The following OSTM1 variants were observed in gnomAD, a reference collection of about 807,000 sequenced individuals.
OSTM1 encodes osteoclastogenesis associated transmembrane protein 1, also known as osteopetrosis-associated transmembrane protein 1.
In OSTM1, 26 loss-of-function variants were observed where a neutral mutation model predicts 35.4. That is an observed-to-expected ratio of 0.73 (90% CI 0.54 to 1.02). The LOEUF (loss-of-function observed/expected upper bound fraction) is 1.02, where lower values mean the gene tolerates loss of function less well. Ranked by LOEUF, OSTM1 falls within the 50% of genes least tolerant of loss-of-function variation. The pLI is 0.00. For synonymous variants in OSTM1, 181 were observed against 165.0 expected (o/e 1.10, Z -0.75); for missense variants, 366 against 409.6 (o/e 0.89, Z 0.92).
intron 2 of OSTM1, among the ~76,000 whole-genome samples, chr6:108,060,351 C>T (rs1469880025): frequency 2.6e-5 from 4 of 152,146 alleles, no homozygotes; most frequent in Admixed American, 6.6e-5. Flanking sequence ...ACTGAGTATG[C>T]GGTAAAACGT....
At chr6:108,058,459 C>T (rs192725844) in intron 2 of OSTM1, among the ~76,000 whole-genome samples, 5 of 151,698 alleles carry the variant, frequency 3.3e-5, no homozygotes, top group South Asian at 2.1e-4. Flanking sequence ...ATGATTATAA[C>T]GCTTAGTACA....
rs779438202 is a variant in OSTM1, at chr6:108,044,834, C to T, written c.956G>A (p.Arg319His). 6 of 1,540,556 alleles carry T rather than the reference C, an allele frequency of 3.9e-6. No homozygotes were observed. Among genetic ancestry groups the T allele is most frequent in the South Asian group, 1.2e-5 (1 of 82,132 alleles). The change falls in exon 6 of 6, where the codon CGT (arginine) becomes CAT (histidine). Residue 319 changes from arginine (R) to histidine (H), a missense_variant. By Grantham distance (29) the Arg-to-His change is conservative. This residue lies in a region of OSTM1 where 125 missense variants were observed against 151.7 expected (regional missense o/e 0.82). Coordinates refer to ENST00000193322, the MANE Select transcript of OSTM1 (RefSeq NM_014028.4). ...QKKRKLILPK[R>H]LKSSTSFANI... ...TGCAAAACTGGTACTGGACTTGAGACGTTTGGCTAGATAAATCAAAAGAAT... is the reference window on the plus strand; with the variant it reads ...TGCAAAACTGGTACTGGACTTGAGATGTTTGGCTAGATAAATCAAAAGAAT...
intron 4 of OSTM1, 109 bp from the exon 5 acceptor site, chr6:108,049,527 C>T: frequency 1.9e-6 from 3 of 1,548,000 alleles, no homozygotes; most frequent in Non-Finnish European, 1.7e-6. Flanking sequence ...AGACTCAATA[C>T]ATACCTCTAA....
At chr6:108,067,594 G>A (rs1238601379) in intron 1 of OSTM1, among the ~76,000 whole-genome samples, 1 of 152,058 alleles carries the variant, frequency 6.6e-6, no homozygotes, top group African/African-American at 2.4e-5. Context: ...ACTTTGGGAG[G>A]CCGAGGCAGG....
In OSTM1 at chr6:108,050,358, CTTTTTTTTTT is replaced by C. The variant is rs759901355; in HGVS notation, c.783+663_783+672del. Among the ~76,000 whole-genome samples, 164 of 104,820 alleles carry C rather than the reference CTTTTTTTTTT, an allele frequency of 1.6e-3. 3 individuals are homozygous for C. Among genetic ancestry groups the C allele is most frequent in the African/African-American group, 5.7e-3 (154 of 26,932 alleles). The allele number at this position is 104,820 out of a possible 152,430, so 68.8% of individuals were successfully genotyped here. On this transcript the variant is annotated intron_variant, in intron 4 of 5. Transcript: ENST00000193322. ...AACATGTAGTGAAATCCAGAAACGTCTTTTTTTTTTTTTTTTTTTTTTTGAGACGGAGTCT... is the reference window on the plus strand; with the variant it reads ...AACATGTAGTGAAATCCAGAAACGTCTTTTTTTTTTTTTGAGACGGAGTCT...
At chr6:108,057,951 C>T (rs773144893) in intron 2 of OSTM1, among the ~76,000 whole-genome samples, 1 of 151,808 alleles carries the variant, frequency 6.6e-6, no homozygotes, top group Non-Finnish European at 1.5e-5. Context: ...TTATGAATTT[C>T]CTTCATCTTA....
At chr6:108,063,179 A>G (rs549825695) in intron 2 of OSTM1, among the ~76,000 whole-genome samples, 17 of 152,106 alleles carry the variant, frequency 1.1e-4, no homozygotes, top group African/African-American at 3.9e-4. Flanking sequence ...TGTCCATCTA[A>G]TTTAAAAAAT....
At chr6:108,048,749 C>CTTTTTTT (rs575605197) in intron 5 of OSTM1, among the ~76,000 whole-genome samples, 3 of 111,784 alleles carry the variant, frequency 2.7e-5, no homozygotes, top group African/African-American at 7.4e-5. Flanking sequence ...TGTGTTTTAA[C>CTTTTTTT]TTTTTTTTTT....
rs189924750 is a variant in OSTM1 at position 108,065,468 on chromosome 6, C to T, written c.403-1169G>A. 6.0e-5 allele frequency among the ~76,000 whole-genome samples: 9 copies of T among 149,318 alleles called. No homozygotes were observed. The East Asian group carries it at 1.8e-3, about 30-fold the overall frequency. On this transcript the variant is annotated intron_variant, in intron 1 of 5. Transcript: ENST00000193322. ...GGCCTGACTGGTCTCGAACTCCTGA[C>T]CTCAGACGATCCACCTGCCTCGGCC...
At chr6:108,057,135 G>A (rs1389955652) in intron 2 of OSTM1, among the ~76,000 whole-genome samples, 2 of 152,200 alleles carry the variant, frequency 1.3e-5, no homozygotes, top group East Asian at 1.9e-4. Context: ...GGCTGAGAGG[G>A]GAGAATTGCT....
Position 108,044,718 on chromosome 6 carries a change from T to C in OSTM1, c.*67A>G, listed in dbSNP as rs1771935928. On this transcript the variant is annotated 3_prime_UTR_variant, in exon 6 of 6. Coordinates refer to ENST00000193322, the MANE Select transcript of OSTM1 (RefSeq NM_014028.4). ...CTTGTCAAATCACAGTTTATCTTCT[T>C]TCTGAAACCAAGTTGTGTCTTCCAC... The C allele has an allele frequency of 1.0e-5, 9 of 885,772 alleles. No homozygotes were observed. In the South Asian group the frequency reaches 1.4e-4, roughly 13 times the overall value. The allele number at this position is 885,772 out of a possible 1,614,324, so 54.9% of individuals were successfully genotyped here.
intron 2 of OSTM1, among the ~76,000 whole-genome samples, chr6:108,062,216 A>G (rs1282052114): frequency 6.6e-6 from 1 of 152,210 alleles, no homozygotes; most frequent in Non-Finnish European, 1.5e-5. Flanking sequence ...GAACACAAGT[A>G]GTGCCATACC....
At chr6:108,058,012 G>A (rs1160653360) in intron 2 of OSTM1, among the ~76,000 whole-genome samples, 1 of 150,898 alleles carries the variant, frequency 6.6e-6, no homozygotes, top group African/African-American at 2.4e-5. Flanking sequence ...GGCTTTCTCA[G>A]AGAAGGCTCA....
At chr6:108,064,677 T>C (rs1424948171) in intron 1 of OSTM1, among the ~76,000 whole-genome samples, 2 of 152,226 alleles carry the variant, frequency 1.3e-5, no homozygotes, top group African/African-American at 4.8e-5. Context: ...AACTAAGTCC[T>C]GCTGACCCTT....
intron 1 of OSTM1, chr6:108,073,888 C>T (rs1562378061): frequency 3.2e-6 from 1 of 308,812 alleles, no homozygotes; most frequent in South Asian, 5.1e-5. Flanking sequence ...TAACCACTAC[C>T]AGTGTCTCCA....
Position 108,074,465 on chromosome 6 carries a change from G to T in OSTM1, c.187C>A (p.Leu63Met). The part of the protein sequence containing the change: ...LEVEDLSLSL[L>M]QGGGLGPLSL... ...AGAGGCCCCAGCCCTCCACCCTGCAGGAGGGACAGGGACAAGTCCTCCACC... is the reference window on the plus strand; with the variant it reads ...AGAGGCCCCAGCCCTCCACCCTGCATGAGGGACAGGGACAAGTCCTCCACC... The change falls in exon 1 of 6, where the codon CTG becomes ATG. Residue 63 changes from leucine to methionine, a missense_variant. Leu to Met is a conservative substitution (Grantham distance 15). Around this residue, in one of 3 missense-constraint regions of OSTM1, gnomAD observed 236 missense variants for 239.3 expected, o/e 0.99. Transcript: ENST00000193322. 1 of 1,556,920 alleles carries T rather than the reference G, an allele frequency of 6.4e-7. No homozygotes were observed.
chr6:108,051,966 TAACTG>T (rs957825422), intron 3 of OSTM1, among the ~76,000 whole-genome samples: 4 of 152,216 alleles, frequency 2.6e-5, no homozygotes, highest in African/African-American at 9.7e-5. Context: ...GAAAGAATAT[TAACTG>T]AACATTGGGA....
intron 2 of OSTM1, among the ~76,000 whole-genome samples, chr6:108,060,004 T>C (rs1420627992): frequency 6.6e-6 from 1 of 152,220 alleles, no homozygotes; most frequent in African/African-American, 2.4e-5. Flanking sequence ...GTATATGGCA[T>C]AAAATCCAAA....
At chr6:108,048,143 G>A (rs1772012056) in intron 5 of OSTM1, among the ~76,000 whole-genome samples, 1 of 152,194 alleles carries the variant, frequency 6.6e-6, no homozygotes, top group South Asian at 2.1e-4. Flanking sequence ...TGATCTACAG[G>A]TAACCTTTTT....
Sources: allele counts gnomAD v4.1 joint callset (sites outside exome capture counted in the v4.1 genomes callset), GRCh38; gene constraint gnomAD v4.1.1; regional missense constraint gnomAD v4.1.1; transcripts MANE v1.5; gene names NCBI Gene and HGNC (gene_info 2026-07-23, HGNC 2026-07-21).